Variants in PRKCB observed in about 807,000 individuals in gnomAD.
PRKCB encodes the protein protein kinase C beta type.
A neutral mutation model predicts 81.5 loss-of-function variants in PRKCB; 13 were observed. The ratio of observed to expected loss-of-function variants is 0.16; its 90% CI spans 0.10 to 0.25. The LOEUF (loss-of-function observed/expected upper bound fraction) is 0.25. Ranked by LOEUF, PRKCB falls within the 10% of genes least tolerant of loss-of-function variation. The probability of loss-of-function intolerance (pLI) is 1.00; values close to 1 mark genes in which losing one functional copy is unlikely to be tolerated. For synonymous variants in PRKCB, 335 were observed against 321.4 expected (o/e 1.04, Z -0.45); for missense variants, 509 against 875.7 (o/e 0.58, Z 5.29).
chr16:23,883,116 T>A (rs1049085447), intron 2 of PRKCB, among the ~76,000 whole-genome samples: 1 of 152,024 alleles, frequency 6.6e-6, no homozygotes, highest in Non-Finnish European at 1.5e-5. Flanking sequence ...TCCATGGAGC[T>A]GATATTCAGC....
chr16:24,039,345 C>T (rs1035262028), intron 5 of PRKCB, among the ~76,000 whole-genome samples: 1 of 152,216 alleles, frequency 6.6e-6, no homozygotes, highest in Non-Finnish European at 1.5e-5. Context: ...TCTCCGGTCT[C>T]AGCCTCCCGA....
At position 24,212,461 on chromosome 16, in the gene PRKCB, C is replaced by CA. The variant is rs1209227189; in HGVS notation, c.1864-2197_1864-2196insA. 3.8e-5 allele frequency among the ~76,000 whole-genome samples: 3 copies of CA among 78,062 alleles called. No homozygotes were observed. The East Asian group carries it at 1.4e-3, about 35-fold the overall frequency. The allele number at this position is 78,062 out of a possible 152,430, so 51.2% of individuals were successfully genotyped here. A position where few individuals can be genotyped will look rare whatever the true frequency, so the allele number is the denominator to read the frequency against. On this transcript the variant is annotated intron_variant, in intron 16 of 16. Transcript: ENST00000643927. ...CTCTCTCCTCCTGTGCTTTTTTTTC[C>CA]TTTTTTTTTTTTTTTTTTTTTTTTT...
intron 4 of PRKCB, among the ~76,000 whole-genome samples, chr16:24,034,512 G>A (rs1965588671): frequency 6.6e-6 from 1 of 152,244 alleles, no homozygotes. Flanking sequence ...ACTCTACGGA[G>A]GAGTGCGCAG....
At chr16:24,052,877 G>A (rs968979312) in intron 5 of PRKCB, among the ~76,000 whole-genome samples, 1 of 152,134 alleles carries the variant, frequency 6.6e-6, no homozygotes, top group African/African-American at 2.4e-5. Flanking sequence ...TTAACCTCCT[G>A]AGAATGCAGC....
At chr16:24,045,577 C>A (rs1965753609) in intron 5 of PRKCB, among the ~76,000 whole-genome samples, 1 of 152,116 alleles carries the variant, frequency 6.6e-6, no homozygotes, top group South Asian at 2.1e-4. Context: ...TTCCCATGGG[C>A]TGTGGCTTCC....
At position 24,108,964 on chromosome 16, in the gene PRKCB, G is replaced by T. The variant is rs1247581605; in HGVS notation, c.822-4009G>T. 8.4e-4 allele frequency among the ~76,000 whole-genome samples: 123 copies of T among 146,218 alleles called. 1 individual carries two copies. Among genetic ancestry groups the T allele is most frequent in the Middle Eastern group, 3.9e-3 (1 of 254 alleles). Reference sequence around the variant, plus strand: ...GCGCCCCTCACTTCCCGGATGGGGGGGCTGGCCGGGCGGGGGACTGACCCC... The same window carrying T: ...GCGCCCCTCACTTCCCGGATGGGGGTGCTGGCCGGGCGGGGGACTGACCCC... On this transcript the variant is annotated intron_variant, in intron 7 of 16. Coordinates refer to ENST00000643927, the MANE Select transcript of PRKCB (RefSeq NM_002738.7).
chr16:23,989,263 C>CTATTAT (rs930898630), intron 3 of PRKCB, among the ~76,000 whole-genome samples: 1 of 151,980 alleles, frequency 6.6e-6, no homozygotes, highest in African/African-American at 2.4e-5. Flanking sequence ...TGTGCCCGGC[C>CTATTAT]TATTATTATT....
intron 8 of PRKCB, among the ~76,000 whole-genome samples, chr16:24,119,747 G>C (rs766632585): frequency 2.2e-4 from 33 of 152,084 alleles, no homozygotes; most frequent in Non-Finnish European, 7.4e-5. Context: ...TTGCAAATAA[G>C]ATGACCTTGT....
chr16:23,948,142 T>G (rs573427904), intron 2 of PRKCB, among the ~76,000 whole-genome samples: 1 of 152,228 alleles, frequency 6.6e-6, no homozygotes, highest in African/African-American at 2.4e-5. Flanking sequence ...ATGGTGGGGC[T>G]TCTAGCAAGA....
intron 2 of PRKCB, among the ~76,000 whole-genome samples, chr16:23,870,879 G>A (rs1285276480): frequency 6.6e-5 from 10 of 152,180 alleles, no homozygotes; most frequent in Non-Finnish European, 1.2e-4. Context: ...TGTGTCTTTG[G>A]TCAGCTAGCA....
chr16:24,113,365 T>TTTCC (rs371575113), intron 8 of PRKCB, among the ~76,000 whole-genome samples: 3 of 141,126 alleles, frequency 2.1e-5, no homozygotes, highest in East Asian at 2.0e-4. Flanking sequence ...TTCTTTGTTT[T>TTTCC]TTCCTTCCTT....
intron 3 of PRKCB, among the ~76,000 whole-genome samples, chr16:24,001,449 G>A (rs1965033401): frequency 6.6e-6 from 1 of 152,060 alleles, no homozygotes; most frequent in Non-Finnish European, 1.5e-5. Context: ...TCATAAACTT[G>A]TTAAACTTGT....
intron 7 of PRKCB, among the ~76,000 whole-genome samples, chr16:24,094,774 AAG>A (rs771997919): frequency 2.6e-4 from 39 of 148,432 alleles, no homozygotes; most frequent in Non-Finnish European, 4.8e-4. Context: ...ATAAAAAAGA[AAG>A]AGAGAGAGAG....
chr16:24,113,976 G>C (rs550710987), intron 8 of PRKCB, among the ~76,000 whole-genome samples: 1 of 151,792 alleles, frequency 6.6e-6, no homozygotes, highest in Non-Finnish European at 1.5e-5. Flanking sequence ...CAGCACTTTG[G>C]GAAGCTGAAG....
intron 3 of PRKCB, among the ~76,000 whole-genome samples, chr16:24,002,115 T>G (rs1965042404): frequency 6.6e-6 from 1 of 152,174 alleles, no homozygotes; most frequent in Non-Finnish European, 1.5e-5. Context: ...GTCCTGGGTC[T>G]TGGTCAGCTA....
At position 24,215,726 on chromosome 16, in the gene PRKCB, T is replaced by C; in HGVS notation, c.*910T>C. ...TGTATTCAAATGTTATTAACCACAA[T>C]GACGACCTGCTTTGATTTAACCAAG... is the stretch of plus-strand genomic sequence containing the variant. On this transcript the variant is annotated 3_prime_UTR_variant, in exon 17 of 17. Transcript: ENST00000643927. 2 of 985,698 alleles carry C rather than the reference T, an allele frequency of 2.0e-6. No homozygotes were observed. The highest frequency in any genetic ancestry group is 4.7e-5 in the South Asian group (1 of 21,282). The allele number at this position is 985,698 out of a possible 1,614,324, so 61.1% of individuals were successfully genotyped here.
Position 24,219,174 on chromosome 16 carries a change from C to A in PRKCB, c.*4358C>A, listed in dbSNP as rs1968280243. On this transcript the variant is annotated 3_prime_UTR_variant, in exon 17 of 17. Coordinates refer to ENST00000643927, the MANE Select transcript of PRKCB (RefSeq NM_002738.7). ...ATTGCTAGTAAATGGGGGTTAATTTCTTCTCCACCTCCCTACTGAACAAAA... is the reference window on the plus strand; with the variant it reads ...ATTGCTAGTAAATGGGGGTTAATTTATTCTCCACCTCCCTACTGAACAAAA... The A allele has an allele frequency of 8.1e-6, 8 of 982,594 alleles. No homozygotes were observed. Among genetic ancestry groups the A allele is most frequent in the Admixed American group, 6.3e-5 (1 of 15,968 alleles). 60.9% of individuals were successfully genotyped at this position (982,594 alleles called of 1,614,324 possible).
Position 24,185,164 on chromosome 16 carries a change from C to T in PRKCB, c.1587C>T (p.Val529=), listed in dbSNP as rs748126363. ...GKSVDWWAFG[V]LLYEMLAGQA... is the part of the protein sequence containing the mutation. ...CCGTGGATTGGTGGGCATTTGGAGT[C>T]CTGCTGTATGAAATGTTGGCTGGGC... is the stretch of plus-strand genomic sequence containing the variant. Residue 529 remains valine (V), a synonymous_variant, in exon 14 of 17, where the codon GTC becomes GTT. Transcript: ENST00000643927. 1.5e-5 allele frequency: 25 copies of T among 1,613,948 alleles called. No individual in the cohort carries two copies. The East Asian group carries it at 5.1e-4, about 33-fold the overall frequency.
chr16:24,094,336 G>A (rs750947254), intron 7 of PRKCB, 39 bp downstream of exon 7: 194 of 1,603,774 alleles, frequency 1.2e-4, no homozygotes, highest in Non-Finnish European at 1.6e-4. Context: ...CATACAGCTT[G>A]CTCCATCAAA....
Sources: allele counts gnomAD v4.1 joint callset (sites outside exome capture counted in the v4.1 genomes callset), GRCh38; gene constraint gnomAD v4.1.1; transcripts MANE v1.5; gene names NCBI Gene and HGNC (gene_info 2026-07-23, HGNC 2026-07-21).